The following OXR1 variants were observed in gnomAD, a reference collection of about 807,000 sequenced individuals.
The protein encoded by OXR1 is oxidation resistance 1, also known as oxidation resistance protein 1.
A neutral mutation model predicts 104.6 loss-of-function variants in OXR1; 41 were observed. That is an observed-to-expected ratio of 0.39 (90% CI 0.31 to 0.51). The LOEUF (loss-of-function observed/expected upper bound fraction) is 0.51. OXR1 is among the 20% of genes least tolerant of loss of function. OXR1 has a pLI of 0.77. For synonymous variants in OXR1, 348 were observed against 348.4 expected (o/e 1.00, Z 0.01); for missense variants, 955 against 1,031.9 (o/e 0.93, Z 1.02).
At chr8:106,324,317 T>A (rs971359221) in intron 1 of OXR1, among the ~76,000 whole-genome samples, 1 of 152,034 alleles carries the variant, frequency 6.6e-6, no homozygotes, top group Non-Finnish European at 1.5e-5. Context: ...TGATAAAACT[T>A]ATGAACACAA....
chr8:106,706,778 G>C lies in OXR1; in HGVS notation c.1257G>C (p.Met419Ile). ...CHKTDLNNLE[M>I]AIKEDQIADN... is the part of the protein sequence containing the mutation. Reference sequence around the variant, plus strand: ...AAACTGATTTAAATAATCTTGAAATGGCCATTAAGGAAGATCAGATTGCAG... The same window carrying C: ...AAACTGATTTAAATAATCTTGAAATCGCCATTAAGGAAGATCAGATTGCAG... The change falls in exon 9 of 17, where the codon ATG becomes ATC. Residue 419 changes from methionine (M) to isoleucine (I), a missense_variant. Physicochemically the swap from Met to Ile is conservative, Grantham distance 10. Coordinates refer to ENST00000517566, the MANE Select transcript of OXR1 (RefSeq NM_001198533.2). 1.2e-6 allele frequency: 2 copies of C among 1,612,474 alleles called. No individual in the cohort carries two copies. Among genetic ancestry groups the C allele is most frequent in the Non-Finnish European group, 1.7e-6 (2 of 1,179,572 alleles).
At chr8:106,395,983 A>G (rs1452537059) in intron 2 of OXR1, among the ~76,000 whole-genome samples, 1 of 152,114 alleles carries the variant, frequency 6.6e-6, no homozygotes, top group Non-Finnish European at 1.5e-5. Flanking sequence ...AATGGCCAAG[A>G]CTGGAACCAT....
At chr8:106,722,660 T>G (rs1436756055) in intron 11 of OXR1, among the ~76,000 whole-genome samples, 3 of 152,196 alleles carry the variant, frequency 2.0e-5, no homozygotes. Context: ...TAACGTGCTA[T>G]ATGGTATGAC....
chr8:106,415,993 T>C (rs1818662796), intron 2 of OXR1, among the ~76,000 whole-genome samples: 1 of 152,236 alleles, frequency 6.6e-6, no homozygotes, highest in South Asian at 2.1e-4. Context: ...ATCCTAAGTA[T>C]TTTGCCAGGT....
Position 106,359,702 on chromosome 8 carries a change from G to C in OXR1, c.23+66G>C, listed in dbSNP as rs143910836. Reference sequence around the variant, plus strand: ...ATATCATGAGCAGTATTTTCTGAGGGAGTCGTACAGGCAGAACTTGGGCAG... The same window carrying C: ...ATATCATGAGCAGTATTTTCTGAGGCAGTCGTACAGGCAGAACTTGGGCAG... On this transcript the variant is annotated intron_variant, in intron 2 of 16. Coordinates refer to ENST00000517566, the MANE Select transcript of OXR1 (RefSeq NM_001198533.2). 408 of 1,130,992 alleles carry C rather than the reference G, an allele frequency of 3.6e-4. 3 individuals carry two copies. In the East Asian group the frequency reaches 5.7e-3, roughly 16 times the overall value. The allele number at this position is 1,130,992 out of a possible 1,614,324, so 70.1% of individuals were successfully genotyped here.
intron 2 of OXR1, among the ~76,000 whole-genome samples, chr8:106,387,165 A>AAGAATAC (rs1044907410): frequency 9.8e-5 from 15 of 152,370 alleles, no homozygotes; most frequent in African/African-American, 3.1e-4. Flanking sequence ...ACATATAAAT[A>AAGAATAC]AGAATACAGA....
intron 2 of OXR1, among the ~76,000 whole-genome samples, chr8:106,486,686 A>G (rs1242312268): frequency 1.3e-5 from 2 of 151,946 alleles, no homozygotes; most frequent in African/African-American, 4.8e-5. Context: ...AGTTTTTGAG[A>G]TTTCTTGTTT....
chr8:106,524,027 C>T (rs372685186), intron 3 of OXR1, among the ~76,000 whole-genome samples: 1 of 152,104 alleles, frequency 6.6e-6, no homozygotes, highest in Admixed American at 6.5e-5. Context: ...CCATCTGCCT[C>T]GACCTCCCAA....
At chr8:106,473,831 T>C (rs1205435684) in intron 2 of OXR1, among the ~76,000 whole-genome samples, 1 of 151,030 alleles carries the variant, frequency 6.6e-6, no homozygotes, top group East Asian at 2.0e-4. Flanking sequence ...CCTCATTTTC[T>C]TTCATATTCT....
At chr8:106,653,568 T>A (rs1824801910) in intron 3 of OXR1, among the ~76,000 whole-genome samples, 2 of 151,830 alleles carry the variant, frequency 1.3e-5, no homozygotes, top group East Asian at 1.9e-4. Flanking sequence ...ACAAAAAAAT[T>A]AGAAATTAGG....
At chr8:106,377,945 T>C (rs989842875) in intron 2 of OXR1, among the ~76,000 whole-genome samples, 2 of 152,180 alleles carry the variant, frequency 1.3e-5, no homozygotes, top group Admixed American at 6.5e-5. Context: ...ATAGGTGCTA[T>C]CTTCTTTTTC....
chr8:106,740,507 C>G lies in OXR1; in HGVS notation c.2316+12C>G, dbSNP rs569299062. On this transcript the variant is annotated intron_variant, in intron 14 of 16. Coordinates refer to ENST00000517566, the MANE Select transcript of OXR1 (RefSeq NM_001198533.2). ...ACAGTGATGGACAGGTATGAAACAC[C>G]AACTGCATAGATTGCTTATCCTTTA... 1 of 1,599,246 alleles carries G rather than the reference C, an allele frequency of 6.3e-7. No homozygotes were observed. The highest frequency in any genetic ancestry group is 1.3e-5 in the African/African-American group (1 of 74,274).
At chr8:106,617,872 A>C (rs929624395) in intron 3 of OXR1, 4 of 201,624 alleles carry the variant, frequency 2.0e-5, no homozygotes, top group African/African-American at 9.5e-5. Context: ...GTATCAACTT[A>C]GTAACGTATC....
chr8:106,381,203 C>A (rs1230838268), intron 2 of OXR1, among the ~76,000 whole-genome samples: 1 of 152,140 alleles, frequency 6.6e-6, no homozygotes. Flanking sequence ...GAACAATGAT[C>A]TTAATTATTG....
chr8:106,428,375 A>G (rs1819219145), intron 2 of OXR1, among the ~76,000 whole-genome samples: 1 of 152,152 alleles, frequency 6.6e-6, no homozygotes, highest in Non-Finnish European at 1.5e-5. Context: ...AAAGACTTTT[A>G]CCAACCTCTC....
In OXR1 at chr8:106,737,579, C is replaced by T; in HGVS notation, c.2016C>T (p.Arg672=). 7.0e-7 allele frequency: 1 copy of T among 1,426,272 alleles called. No homozygotes were observed. Among genetic ancestry groups the T allele is most frequent in the South Asian group, 1.6e-5 (1 of 64,260 alleles). 88.4% of individuals were successfully genotyped at this position (1,426,272 alleles called of 1,614,324 possible). The change falls in exon 12 of 17, where the codon CGC becomes CGT. Residue 672 remains arginine, a synonymous_variant. Transcript: ENST00000517566. Reference sequence around the variant, plus strand: ...ATGCTCTAAATACTGAAGAACTGCGCACACTCTGCAGACGCCTCCAGGTGC... The same window carrying T: ...ATGCTCTAAATACTGAAGAACTGCGTACACTCTGCAGACGCCTCCAGGTGC... ...RIDALNTEEL[R]TLCRRLQITT... is the part of the protein sequence containing the mutation.
chr8:106,312,535 A>C (rs1353549041), intron 1 of OXR1, among the ~76,000 whole-genome samples: 1 of 152,208 alleles, frequency 6.6e-6, no homozygotes, highest in Non-Finnish European at 1.5e-5. Context: ...CAGGGATATG[A>C]ATACTCAGAG....
At chr8:106,323,861 T>C (rs1473634398) in intron 1 of OXR1, among the ~76,000 whole-genome samples, 1 of 151,958 alleles carries the variant, frequency 6.6e-6, no homozygotes, top group African/African-American at 2.4e-5. Flanking sequence ...AAAAAAATAA[T>C]AGATGCTGGC....
rs552110434 is a variant in OXR1, at chr8:106,632,110, T to C, written c.221-47100T>C. Among the ~76,000 whole-genome samples the C allele has an allele frequency of 2.6e-5, 4 of 152,278 alleles. No homozygotes were observed. In the East Asian group the frequency reaches 5.8e-4, roughly 22 times the overall value. ...TTAGGAAGACAGAAAGTTTTCTAGA[T>C]ATGAAATGAAGAAAGATACAACATG... On this transcript the variant is annotated intron_variant, in intron 3 of 16. Transcript: ENST00000517566.
Sources: allele counts gnomAD v4.1 joint callset (sites outside exome capture counted in the v4.1 genomes callset), GRCh38; gene constraint gnomAD v4.1.1; transcripts MANE v1.5; gene names NCBI Gene and HGNC (gene_info 2026-07-23, HGNC 2026-07-21).